The following TTYH1 variants were observed in gnomAD, a reference collection of about 807,000 sequenced individuals.
The protein encoded by TTYH1 is tweety family member 1.
In TTYH1, 33 loss-of-function variants were observed where a neutral mutation model predicts 61.2. The ratio of observed to expected loss-of-function variants is 0.54; its 90% CI spans 0.41 to 0.72. The LOEUF is 0.72. Among genes scored for constraint, TTYH1 ranks in the 30% least tolerant of loss-of-function variants. The pLI, the probability that TTYH1 is intolerant of heterozygous loss-of-function variation, is 0.00. For missense variants in TTYH1, 538 were observed against 575.8 expected, an observed-to-expected ratio of 0.93 and a Z score of 0.67; for synonymous variants, 308 against 266.4, an observed-to-expected ratio of 1.16 and a Z score of -1.52.
rs371353208 is a variant in TTYH1, at chr19:54,435,810, C to A, written c.1269-18C>A. 3.1e-6 allele frequency: 5 copies of A among 1,613,876 alleles called. No homozygotes were observed. The South Asian group carries it at 5.5e-5, about 18-fold the overall frequency. On this transcript the variant is annotated intron_variant, in intron 11 of 13. Transcript: ENST00000376530. The stretch of plus-strand genomic sequence containing the variant: ...GTCCCCATCCCGCCTCTCTGCCATG[C>A]CCCGCATCAAACCCCAGTGACGACT...
Position 54,415,864 on chromosome 19 carries a change from C to T in TTYH1, c.126+186C>T. 1 of 800,998 alleles carries T rather than the reference C, an allele frequency of 1.2e-6. No homozygotes were observed. Among genetic ancestry groups the T allele is most frequent in the Non-Finnish European group, 1.9e-6 (1 of 528,360 alleles). 49.6% of individuals were successfully genotyped at this position (800,998 alleles called of 1,614,324 possible). On this transcript the variant is annotated intron_variant, in intron 1 of 13. Coordinates refer to ENST00000376530, the MANE Select transcript of TTYH1 (RefSeq NM_020659.4). This position sits in a 1 kb window ranked among gnomAD's most constrained non-coding sequence, Gnocchi z 5.2. ...CATGCCTGGAGGTTCTCCTGGGACGCGCGCTGGGGGTCCAGACCTCGAGCT... is the reference window on the plus strand; with the variant it reads ...CATGCCTGGAGGTTCTCCTGGGACGTGCGCTGGGGGTCCAGACCTCGAGCT...
At position 54,421,479 on chromosome 19, in the gene TTYH1, A is replaced by T; in HGVS notation, c.417+91A>T. 1.1e-6 allele frequency: 1 copy of T among 886,284 alleles called. No homozygotes were observed. Among genetic ancestry groups the T allele is most frequent in the Non-Finnish European group, 1.9e-6 (1 of 529,762 alleles). 54.9% of individuals were successfully genotyped at this position (886,284 alleles called of 1,614,324 possible). ...AAAGGGATCCAAACTCAGAGCTAAG[A>T]CCCCAGGCTTGAAGCTTAGGAACCC... On this transcript the variant is annotated intron_variant, in intron 3 of 13. Transcript: ENST00000376530. This position sits in a 1 kb window ranked among gnomAD's most constrained non-coding sequence, Gnocchi z 4.8.
intron 4 of TTYH1, among the ~76,000 whole-genome samples, chr19:54,425,856 C>T (rs947391455): frequency 1.5e-4 from 23 of 152,270 alleles, no homozygotes; most frequent in African/African-American, 5.5e-4. Flanking sequence ...GCTGGGATTA[C>T]AGGCGTGCAC....
In TTYH1 at chr19:54,422,182, A is replaced by G. The variant is rs1319563270; in HGVS notation, c.418-8A>G. 2.6e-6 allele frequency: 4 copies of G among 1,553,522 alleles called. No homozygotes were observed. Among genetic ancestry groups the G allele is most frequent in the East Asian group, 4.7e-5 (2 of 42,404 alleles). ...CCTTCCAGACCTCAGCCCCTGTCCT[A>G]TCCCCAGGTGTTGGAGACGGTGGAG... is the stretch of plus-strand genomic sequence containing the variant. On this transcript the variant is annotated splice_region_variant and splice_polypyrimidine_tract_variant and intron_variant, in intron 3 of 13. Coordinates refer to ENST00000376530, the MANE Select transcript of TTYH1 (RefSeq NM_020659.4).
In TTYH1 at chr19:54,416,710, G is replaced by C; in HGVS notation, c.126+1032G>C. Reference sequence around the variant, plus strand: ...AGCTATTTGGGTCACGGCTGGCACAGCCCTGAGCAGCTCTTCCCCGCCTGC... The same window carrying C: ...AGCTATTTGGGTCACGGCTGGCACACCCCTGAGCAGCTCTTCCCCGCCTGC... On this transcript the variant is annotated intron_variant, in intron 1 of 13. Coordinates refer to ENST00000376530, the MANE Select transcript of TTYH1 (RefSeq NM_020659.4). The surrounding 1 kb of genome is among the most constrained non-coding windows in gnomAD (Gnocchi z 7.0). 7.8e-7 allele frequency: 1 copy of C among 1,277,046 alleles called. No individual in the cohort carries two copies. Among genetic ancestry groups the C allele is most frequent in the Non-Finnish European group, 1.0e-6 (1 of 978,574 alleles). The allele number at this position is 1,277,046 out of a possible 1,614,324, so 79.1% of individuals were successfully genotyped here.
rs766893351 is a variant in TTYH1 at position 54,436,074 on chromosome 19, C to T, written c.1315-17C>T. Reference sequence around the variant, plus strand: ...TCCATTCCCTCCTCTCCCCCGCTACCCCGAATCTCCTAGCAGGAATCCAAG... The same window carrying T: ...TCCATTCCCTCCTCTCCCCCGCTACTCCGAATCTCCTAGCAGGAATCCAAG... On this transcript the variant is annotated splice_polypyrimidine_tract_variant and intron_variant, in intron 12 of 13. Coordinates refer to ENST00000376530, the MANE Select transcript of TTYH1 (RefSeq NM_020659.4). The surrounding 1 kb of genome is among the most constrained non-coding windows in gnomAD (Gnocchi z 4.3). 2.2e-5 allele frequency: 36 copies of T among 1,613,398 alleles called. No homozygotes were observed. The highest frequency in any genetic ancestry group is 6.7e-5 in the Admixed American group (4 of 59,982).
intron 5 of TTYH1, among the ~76,000 whole-genome samples, chr19:54,428,735 C>T (rs1438645840): frequency 1.3e-5 from 2 of 152,104 alleles, no homozygotes; most frequent in African/African-American, 4.8e-5. Context: ...AGAGACCCCG[C>T]GTAAGGCTTG....
In TTYH1 at chr19:54,419,199, C is replaced by T. The variant is rs200526814; in HGVS notation, c.198C>T (p.Leu66=). 45 of 1,612,594 alleles carry T rather than the reference C, an allele frequency of 2.8e-5. No individual in the cohort carries two copies. The East Asian group carries it at 1.0e-3, about 36-fold the overall frequency. The change falls in exon 2 of 14, where the codon CTC becomes CTT. Residue 66 remains leucine, a synonymous_variant. Transcript: ENST00000376530. This position sits in a 1 kb window ranked among gnomAD's most constrained non-coding sequence, Gnocchi z 6.1. ...GLSLIFIAVY[L]IRFCCCRPPE... ...GCCTCATTTTCATCGCTGTCTACCT[C>T]ATCCGCTTCTGCTGCTGCCGGCCCC...
rs1044912181 is a variant in TTYH1, at chr19:54,419,740, A to G, written c.305+434A>G. ...TCTGACTTGCAGCTACTCTCAGCCA[A>G]CATTAACTGGTGATGTCTGTCATTC... On this transcript the variant is annotated intron_variant, in intron 2 of 13. Coordinates refer to ENST00000376530, the MANE Select transcript of TTYH1 (RefSeq NM_020659.4). The surrounding 1 kb of genome is among the most constrained non-coding windows in gnomAD (Gnocchi z 6.1). Among the ~76,000 whole-genome samples, 1 of 152,146 alleles carries G rather than the reference A, an allele frequency of 6.6e-6. No individual in the cohort carries two copies. The highest frequency in any genetic ancestry group is 1.5e-5 in the Non-Finnish European group (1 of 68,038).
intron 10 of TTYH1, 143 bp from the exon 11 acceptor site, chr19:54,435,399 C>T: frequency 9.5e-7 from 1 of 1,055,930 alleles, no homozygotes; most frequent in Non-Finnish European, 1.4e-6. Context: ...CAGAACTGCC[C>T]TTTGACAGGG....
At position 54,416,092 on chromosome 19, in the gene TTYH1, A is replaced by G. The variant is rs1205835095; in HGVS notation, c.126+414A>G. On this transcript the variant is annotated intron_variant, in intron 1 of 13. Coordinates refer to ENST00000376530, the MANE Select transcript of TTYH1 (RefSeq NM_020659.4). The surrounding 1 kb of genome is among the most constrained non-coding windows in gnomAD (Gnocchi z 7.0). ...GTGAATATGTCCCAGATAAGGTGGG[A>G]CCCAGGAGACAGCGGACCTGATAAC... 1.5e-6 allele frequency: 2 copies of G among 1,303,564 alleles called. No individual in the cohort carries two copies. The highest frequency in any genetic ancestry group is 2.5e-5 in the South Asian group (2 of 80,792). 80.7% of individuals were successfully genotyped at this position (1,303,564 alleles called of 1,614,324 possible). A position where few individuals can be genotyped will look rare whatever the true frequency, so the allele number is the denominator to read the frequency against.
intron 3 of TTYH1, 91 bp from the exon 4 acceptor site, chr19:54,422,099 G>A (rs2122879391): frequency 9.7e-7 from 1 of 1,025,990 alleles, no homozygotes; most frequent in Non-Finnish European, 1.4e-6. Flanking sequence ...CCGCTACTAT[G>A]CACCCCTCCT....
Position 54,436,016 on chromosome 19 carries a change from G to A in TTYH1, c.1315-75G>A. The A allele has an allele frequency of 6.3e-7, 1 of 1,582,542 alleles. No individual in the cohort carries two copies. Among genetic ancestry groups the A allele is most frequent in the Admixed American group, 1.7e-5 (1 of 59,804 alleles). ...GACTCCTGGGTCTGAGGGAGGAGGG[G>A]CTGGGGTCCCACAGTACAAAGCCAA... On this transcript the variant is annotated intron_variant, in intron 12 of 13. Coordinates refer to ENST00000376530, the MANE Select transcript of TTYH1 (RefSeq NM_020659.4). The surrounding 1 kb of genome is among the most constrained non-coding windows in gnomAD (Gnocchi z 4.3).
chr19:54,426,766 C>G lies in TTYH1; in HGVS notation c.732C>G (p.Ile244Met), dbSNP rs768108584. ...CGAAGCAGAGCAAGTGGCTGGTGAT[C>G]GTGTAAGTGCAGGCAGTAGGGGGAC... ...GLAKQSKWLV[I>M]VMTVMSLLVL... The change falls in exon 5 of 14, where the codon ATC (isoleucine) becomes ATG (methionine). Residue 244 changes from isoleucine to methionine, a missense_variant and splice_region_variant. Around this residue, in one of 3 missense-constraint regions of TTYH1, gnomAD observed 378 missense variants for 401.2 expected, o/e 0.94. Transcript: ENST00000376530. The G allele has an allele frequency of 3.7e-6, 6 of 1,613,372 alleles. No homozygotes were observed. The East Asian group carries it at 1.3e-4, about 36-fold the overall frequency.
At position 54,431,109 on chromosome 19, in the gene TTYH1, T is replaced by G. The variant is rs766991356; in HGVS notation, c.1043T>G (p.Leu348Arg). The G allele has an allele frequency of 5.0e-6, 8 of 1,613,336 alleles. No homozygotes were observed. In the Admixed American group the frequency reaches 1.3e-4, roughly 27 times the overall value. The change falls in exon 10 of 14, where the codon CTG becomes CGG. Residue 348 changes from leucine to arginine, a missense_variant. By Grantham distance (102) the Leu-to-Arg change is moderately radical. Coordinates refer to ENST00000376530, the MANE Select transcript of TTYH1 (RefSeq NM_020659.4). ...CTCCTCGCCCCGCAGAAGCCTCTGC[T>G]GTCCTTGGAGGAGACTCTGAATGTG... is the stretch of plus-strand genomic sequence containing the variant. The part of the protein sequence containing the change: ...PQFPSAQKPL[L>R]SLEETLNVTE...
rs765576262 is a variant in TTYH1, at chr19:54,431,094, C to G, written c.1033-5C>G. On this transcript the variant is annotated splice_polypyrimidine_tract_variant and splice_region_variant and intron_variant, in intron 9 of 13. Transcript: ENST00000376530. ...GTGGGAAAACGACCCCTCCTCGCCC[C>G]GCAGAAGCCTCTGCTGTCCTTGGAG... The G allele has an allele frequency of 1.2e-6, 2 of 1,610,966 alleles. No individual in the cohort carries two copies. The highest frequency in any genetic ancestry group is 1.7e-6 in the Non-Finnish European group (2 of 1,177,178).
chr19:54,421,537 C>T lies in TTYH1; in HGVS notation c.417+149C>T. ...GAACTTCATCCTGAGACCCACAGACCTCAGACTATCCACCCAACCCCCGAC... is the reference window on the plus strand; with the variant it reads ...GAACTTCATCCTGAGACCCACAGACTTCAGACTATCCACCCAACCCCCGAC... On this transcript the variant is annotated intron_variant, in intron 3 of 13. Transcript: ENST00000376530. This position sits in a 1 kb window ranked among gnomAD's most constrained non-coding sequence, Gnocchi z 4.8. 1 of 656,080 alleles carries T rather than the reference C, an allele frequency of 1.5e-6. No individual in the cohort carries two copies. Among genetic ancestry groups the T allele is most frequent in the South Asian group, 1.7e-5 (1 of 58,454 alleles). The allele number at this position is 656,080 out of a possible 1,614,324, so 40.6% of individuals were successfully genotyped here.
intron 1 of TTYH1, among the ~76,000 whole-genome samples, chr19:54,417,252 A>G (rs994387109): frequency 6.8e-6 from 1 of 146,544 alleles, no homozygotes; most frequent in African/African-American, 2.7e-5. Context: ...GCACACACAT[A>G]TGCACAGGCA....
intron 7 of TTYH1, among the ~76,000 whole-genome samples, 185 bp from the exon 8 acceptor site, chr19:54,430,365 C>T (rs1244296755): frequency 6.6e-6 from 1 of 152,170 alleles, no homozygotes; most frequent in East Asian, 1.9e-4. Context: ...CCACCAGCGC[C>T]TGCTCTGGCT....
Sources: allele counts gnomAD v4.1 joint callset (sites outside exome capture counted in the v4.1 genomes callset), GRCh38; gene constraint gnomAD v4.1.1; regional missense constraint gnomAD v4.1.1; non-coding constraint Gnocchi (gnomAD v3.1); transcripts MANE v1.5; gene names NCBI Gene and HGNC (gene_info 2026-07-23, HGNC 2026-07-21).